GALNT17: variants seen among roughly 807,000 people sequenced by gnomAD.
The protein encoded by GALNT17 is UDP-GalNAc:polypeptide N-acetylgalactosaminyltransferase-like 3.
A neutral mutation model predicts 63.7 loss-of-function variants in GALNT17; 29 were observed. That is an observed-to-expected ratio of 0.46 (90% CI 0.34 to 0.62). The LOEUF (loss-of-function observed/expected upper bound fraction) is 0.62, where lower values mean the gene tolerates loss of function less well. Among genes scored for constraint, GALNT17 ranks in the 20% least tolerant of loss-of-function variants. The pLI, the probability that GALNT17 is intolerant of heterozygous loss-of-function variation, is 0.01. For missense variants in GALNT17, 603 were observed against 799.6 expected (o/e 0.75, Z 2.97); for synonymous variants, 305 against 318.3 (o/e 0.96, Z 0.45).
At chr7:71,159,634 C>T (rs728136) in intron 1 of GALNT17, among the ~76,000 whole-genome samples, 67,070 of 145,746 alleles carry the variant, frequency 0.46, 17,005 homozygotes, top group African/African-American at 0.64. Context: ...ATTCAACTGG[C>T]GGGAGCAGAA....
chr7:71,377,114 A>ATATATATATATAT (rs1554362120), intron 2 of GALNT17, among the ~76,000 whole-genome samples: 21 of 57,462 alleles, frequency 3.7e-4, no homozygotes, highest in African/African-American at 6.6e-4. Flanking sequence ...AAATAAAAAA[A>ATATATATATATAT]ATATATATAT....
intron 1 of GALNT17, among the ~76,000 whole-genome samples, chr7:71,281,624 A>G (rs1790778587): frequency 6.6e-6 from 1 of 152,074 alleles, no homozygotes; most frequent in South Asian, 2.1e-4. Context: ...TATCTCTGAC[A>G]CCTCTCACTT....
At chr7:71,541,814 A>G (rs1376469065) in intron 5 of GALNT17, among the ~76,000 whole-genome samples, 1 of 152,220 alleles carries the variant, frequency 6.6e-6, no homozygotes, top group Non-Finnish European at 1.5e-5. Context: ...AAAGGAAAGG[A>G]CAACCTCATT....
At chr7:71,195,040 A>G (rs1437411014) in intron 1 of GALNT17, among the ~76,000 whole-genome samples, 1 of 152,166 alleles carries the variant, frequency 6.6e-6, no homozygotes, top group East Asian at 1.9e-4. Context: ...TGGGGAGGCA[A>G]TAGTAGCTAA....
chr7:71,610,853 G>C (rs546217251), intron 6 of GALNT17, among the ~76,000 whole-genome samples: 1 of 151,920 alleles, frequency 6.6e-6, no homozygotes, highest in South Asian at 2.1e-4. Flanking sequence ...AGGCATGGTG[G>C]CATGTACCTG....
At chr7:71,634,268 G>C (rs1790497058) in intron 6 of GALNT17, among the ~76,000 whole-genome samples, 1 of 152,092 alleles carries the variant, frequency 6.6e-6, no homozygotes, top group Non-Finnish European at 1.5e-5. Flanking sequence ...TTGCACTTTT[G>C]GGGGGTCCGT....
At chr7:71,395,993 CA>C (rs1351446474) in intron 3 of GALNT17, among the ~76,000 whole-genome samples, 1 of 152,110 alleles carries the variant, frequency 6.6e-6, no homozygotes, top group Non-Finnish European at 1.5e-5. Context: ...TCTTTATACT[CA>C]TCTTTATCAA....
At chr7:71,308,270 C>A (rs1249474396) in intron 1 of GALNT17, among the ~76,000 whole-genome samples, 1 of 151,732 alleles carries the variant, frequency 6.6e-6, no homozygotes, top group African/African-American at 2.4e-5. Context: ...GGGAGCAGAT[C>A]CTGGCTGCCA....
chr7:71,464,279 G>A (rs552241915), intron 5 of GALNT17, among the ~76,000 whole-genome samples: 1 of 152,256 alleles, frequency 6.6e-6, no homozygotes, highest in Non-Finnish European at 1.5e-5. Context: ...CAAATTAGGG[G>A]ATTTTCTCAA....
At chr7:71,398,236 T>C (rs1221593245) in intron 3 of GALNT17, among the ~76,000 whole-genome samples, 2 of 152,114 alleles carry the variant, frequency 1.3e-5, no homozygotes, top group Non-Finnish European at 2.9e-5. Flanking sequence ...TCTTTCAGCA[T>C]CTTTCATTAT....
chr7:71,333,673 G>T (rs1035413322), intron 1 of GALNT17, among the ~76,000 whole-genome samples: 2 of 152,090 alleles, frequency 1.3e-5, no homozygotes, highest in Non-Finnish European at 2.9e-5. Flanking sequence ...GCTAATTTTT[G>T]TATTTTTAGT....
At chr7:71,324,311 G>T (rs1289046167) in intron 1 of GALNT17, among the ~76,000 whole-genome samples, 2 of 152,258 alleles carry the variant, frequency 1.3e-5, no homozygotes, top group South Asian at 4.2e-4. Flanking sequence ...CTGGGTGGTG[G>T]CAGAAGAGAT....
At chr7:71,167,899 A>G (rs945583436) in intron 1 of GALNT17, among the ~76,000 whole-genome samples, 3 of 152,024 alleles carry the variant, frequency 2.0e-5, no homozygotes, top group African/African-American at 7.2e-5. Context: ...TGAGCTACTG[A>G]CCTCAGGGGA....
At chr7:71,502,663 A>G (rs12699040) in intron 5 of GALNT17, among the ~76,000 whole-genome samples, 90,466 of 151,960 alleles carry the variant, frequency 0.6, 28,515 homozygotes, top group Non-Finnish European at 0.72. Context: ...CACTGTTTCA[A>G]TCTTCCCAGT....
chr7:71,546,769 A>G (rs1788992063), intron 5 of GALNT17, among the ~76,000 whole-genome samples: 1 of 152,094 alleles, frequency 6.6e-6, no homozygotes, highest in Non-Finnish European at 1.5e-5. Context: ...TGGTCCATAA[A>G]TGGTAGCTGT....
chr7:71,685,868 TA>T (rs1791346108), intron 9 of GALNT17: 1 of 152,028 alleles, frequency 6.6e-6, no homozygotes, highest in Non-Finnish European at 1.5e-5. Flanking sequence ...TTTTTGTTTT[TA>T]ATTTATAACA....
At chr7:71,573,475 C>T (rs914559831) in intron 6 of GALNT17, among the ~76,000 whole-genome samples, 8 of 152,080 alleles carry the variant, frequency 5.3e-5, no homozygotes, top group South Asian at 4.2e-4. Context: ...GGACTACAGG[C>T]GCCTGCCACC....
At chr7:71,259,888 G>A (rs946236756) in intron 1 of GALNT17, among the ~76,000 whole-genome samples, 5 of 151,862 alleles carry the variant, frequency 3.3e-5, no homozygotes, top group Admixed American at 6.6e-5. Context: ...TGATCCACCC[G>A]CCTCGGCCTC....
chr7:71,345,295 C>T (rs968014953), intron 2 of GALNT17, among the ~76,000 whole-genome samples: 7 of 152,022 alleles, frequency 4.6e-5, no homozygotes, highest in Admixed American at 1.3e-4. Flanking sequence ...CTGAGATCCC[C>T]GCACCAATTT....
Sources: gnomAD v4.1 joint callset for allele counts (sites outside exome capture counted in the v4.1 genomes callset) on GRCh38, gnomAD v4.1.1 for gene constraint, MANE v1.5 for transcripts, NCBI Gene and HGNC (gene_info 2026-07-23, HGNC 2026-07-21) for gene names.